Variants in HPSE2 observed in about 807,000 individuals in gnomAD.
HPSE2 encodes the protein heparanase 2 (inactive), also known as inactive heparanase-2.
HPSE2 carries 38 observed loss-of-function variants against 60.5 expected under a neutral mutation model. The ratio of observed to expected loss-of-function variants is 0.63; its 90% CI spans 0.48 to 0.82. The LOEUF is 0.82. HPSE2 is among the 40% of genes least tolerant of loss of function. The pLI, the probability that HPSE2 is intolerant of heterozygous loss-of-function variation, is 0.00. For missense variants in HPSE2, 713 were observed against 740.4 expected (o/e 0.96, Z 0.43); for synonymous variants, 295 against 293.2 (o/e 1.01, Z -0.06).
intron 2 of HPSE2, among the ~76,000 whole-genome samples, chr10:99,166,278 G>C (rs951988815): frequency 6.6e-6 from 1 of 152,166 alleles, no homozygotes. Context: ...TCATATACAA[G>C]TTTTCCTGTG....
At chr10:98,537,552 T>A (rs1349404838) in intron 9 of HPSE2, among the ~76,000 whole-genome samples, 2 of 152,218 alleles carry the variant, frequency 1.3e-5, no homozygotes, top group Non-Finnish European at 1.5e-5. Flanking sequence ...AACCTAGGAA[T>A]AACCGGCGGG....
intron 3 of HPSE2, among the ~76,000 whole-genome samples, chr10:98,810,042 G>A (rs998509688): frequency 2.6e-5 from 4 of 152,002 alleles, no homozygotes; most frequent in African/African-American, 4.8e-5. Context: ...GTATATTTCT[G>A]CTTTGTCCAA....
the HPSE2 span, among the ~76,000 whole-genome samples, chr10:99,265,127 T>C: frequency 6.6e-6 from 1 of 152,176 alleles, no homozygotes; most frequent in Non-Finnish European, 1.5e-5. Context: ...ATTCCACCAT[T>C]GTGATTTGTT....
chr10:98,538,310 G>A (rs1357653602), intron 9 of HPSE2, among the ~76,000 whole-genome samples: 1 of 152,198 alleles, frequency 6.6e-6, no homozygotes, highest in Non-Finnish European at 1.5e-5. Context: ...CCCTACATGT[G>A]AGTGACAAAT....
intron 2 of HPSE2, among the ~76,000 whole-genome samples, chr10:99,153,506 C>T (rs1222615329): frequency 2.0e-5 from 3 of 151,980 alleles, no homozygotes; most frequent in Admixed American, 6.6e-5. Flanking sequence ...ACACCTCACA[C>T]GGCAGGGTAT....
intron 9 of HPSE2, among the ~76,000 whole-genome samples, chr10:98,532,616 T>A (rs1943165246): frequency 6.6e-6 from 1 of 152,240 alleles, no homozygotes; most frequent in South Asian, 2.1e-4. Flanking sequence ...AGATTGGAAG[T>A]TGAAGTTACA....
intron 3 of HPSE2, among the ~76,000 whole-genome samples, chr10:98,794,711 A>T (rs1336606913): frequency 6.6e-6 from 1 of 152,148 alleles, no homozygotes; most frequent in Non-Finnish European, 1.5e-5. Flanking sequence ...GTTATAAAAA[A>T]GTTATCCTTT....
chr10:98,742,953 T>TC (rs1315382315), intron 4 of HPSE2, among the ~76,000 whole-genome samples: 3 of 145,622 alleles, frequency 2.1e-5, no homozygotes, highest in Non-Finnish European at 4.5e-5. Context: ...ATGGGTCTCT[T>TC]CTTTTTTTTC....
chr10:99,109,495 T>C (rs901156422), intron 3 of HPSE2, among the ~76,000 whole-genome samples: 6 of 152,138 alleles, frequency 3.9e-5, no homozygotes, highest in African/African-American at 1.4e-4. Context: ...GTGGAATAGA[T>C]TATTTCGCAG....
At chr10:99,096,562 C>T (rs1230075981) in intron 3 of HPSE2, among the ~76,000 whole-genome samples, 1 of 152,196 alleles carries the variant, frequency 6.6e-6, no homozygotes, top group Admixed American at 6.5e-5. Context: ...ATATTTTATA[C>T]ACTTCTCAGT....
intron 5 of HPSE2, among the ~76,000 whole-genome samples, chr10:98,697,729 A>G (rs1370502142): frequency 1.3e-5 from 2 of 152,176 alleles, no homozygotes; most frequent in South Asian, 2.1e-4. Context: ...GGTCAAAATG[A>G]AGGAAAAAAT....
At chr10:98,916,509 A>G (rs1954123636) in intron 3 of HPSE2, among the ~76,000 whole-genome samples, 1 of 152,242 alleles carries the variant, frequency 6.6e-6, no homozygotes, top group Admixed American at 6.5e-5. Context: ...ATATCAGTTT[A>G]TGAAACTGTT....
chr10:99,296,529 G>T, the HPSE2 span, among the ~76,000 whole-genome samples: 3 of 152,218 alleles, frequency 2.0e-5, no homozygotes, highest in Non-Finnish European at 4.4e-5. Flanking sequence ...CTACTCTCTT[G>T]CCTACAGGGT....
At chr10:98,607,431 T>G (rs928669492) in intron 9 of HPSE2, among the ~76,000 whole-genome samples, 1 of 152,210 alleles carries the variant, frequency 6.6e-6, no homozygotes, top group Non-Finnish European at 1.5e-5. Context: ...GTGCTGTCAT[T>G]AGCACTTTGA....
At chr10:98,957,728 G>A (rs1042680489) in intron 3 of HPSE2, among the ~76,000 whole-genome samples, 3 of 152,194 alleles carry the variant, frequency 2.0e-5, no homozygotes, top group Non-Finnish European at 4.4e-5. Context: ...TGTGACTTTG[G>A]AGTGCTTGGG....
intron 5 of HPSE2, among the ~76,000 whole-genome samples, chr10:98,706,303 G>A (rs552254308): frequency 1.2e-4 from 19 of 152,240 alleles, no homozygotes; most frequent in African/African-American, 4.1e-4. Flanking sequence ...CTACCATATT[G>A]ATTAGAAAAA....
chr10:98,576,924 G>A (rs563455119), intron 9 of HPSE2, among the ~76,000 whole-genome samples: 20 of 151,392 alleles, frequency 1.3e-4, no homozygotes, highest in Admixed American at 9.9e-4. Flanking sequence ...AGCTTATCAT[G>A]GTGAGTGCAG....
At chr10:99,001,788 T>A (rs571937150) in intron 3 of HPSE2, among the ~76,000 whole-genome samples, 5 of 152,216 alleles carry the variant, frequency 3.3e-5, no homozygotes, top group African/African-American at 1.2e-4. Flanking sequence ...TAAATTTGAA[T>A]CTTAAAATCC....
chr10:98,740,581 C>G (rs1172630663), intron 4 of HPSE2, among the ~76,000 whole-genome samples: 1 of 152,128 alleles, frequency 6.6e-6, no homozygotes, highest in Non-Finnish European at 1.5e-5. Flanking sequence ...CTATTCACTG[C>G]TTTCAAAGAA....
Sources: gnomAD v4.1 joint callset for allele counts (sites outside exome capture counted in the v4.1 genomes callset) on GRCh38, gnomAD v4.1.1 for gene constraint, MANE v1.5 for transcripts, NCBI Gene and HGNC (gene_info 2026-07-23, HGNC 2026-07-21) for gene names.